CDH13: variants seen among roughly 807,000 people sequenced by gnomAD.
CDH13 encodes the protein cadherin 13.
CDH13 carries 24 observed loss-of-function variants against 63.8 expected under a neutral mutation model. That is an observed-to-expected ratio of 0.38 (90% CI 0.27 to 0.53). The LOEUF (loss-of-function observed/expected upper bound fraction) is 0.53, where lower values mean the gene tolerates loss of function less well. Ranked by LOEUF, CDH13 falls within the 20% of genes least tolerant of loss-of-function variation. CDH13 has a pLI of 0.85. For missense variants in CDH13, 1,049 were observed against 903.1 expected, an observed-to-expected ratio of 1.16 and a Z score of -2.07; for synonymous variants, 503 against 355.3, an observed-to-expected ratio of 1.42 and a Z score of -4.67.
At chr16:82,640,647 A>G (rs185330996) in intron 1 of CDH13, among the ~76,000 whole-genome samples, 1 of 152,330 alleles carries the variant, frequency 6.6e-6, no homozygotes, top group Admixed American at 6.5e-5. Context: ...CCAGTTGGTC[A>G]AACTTGTTTA....
At chr16:82,935,454 C>A (rs187234949) in intron 2 of CDH13, among the ~76,000 whole-genome samples, 1 of 152,156 alleles carries the variant, frequency 6.6e-6, no homozygotes. Context: ...TTTCATGAAG[C>A]TTTTTTGGTC....
intron 13 of CDH13, among the ~76,000 whole-genome samples, chr16:83,790,492 C>A: frequency 6.6e-6 from 1 of 152,166 alleles, no homozygotes; most frequent in East Asian, 1.9e-4. Context: ...CTCCACCTCC[C>A]GGATTCACGC....
At chr16:83,212,577 T>C (rs77719800) in intron 4 of CDH13, among the ~76,000 whole-genome samples, 2 of 152,192 alleles carry the variant, frequency 1.3e-5, no homozygotes, top group African/African-American at 2.4e-5. Context: ...GTTAGTGTTA[T>C]ATGTTTAAAA....
At chr16:83,024,630 A>G (rs180939350) in intron 2 of CDH13, among the ~76,000 whole-genome samples, 30 of 152,304 alleles carry the variant, frequency 2.0e-4, no homozygotes, top group African/African-American at 7.0e-4. Context: ...TCCTACCTCA[A>G]ATTGATGATG....
intron 3 of CDH13, among the ~76,000 whole-genome samples, chr16:83,048,839 C>T (rs532132722): frequency 4.9e-4 from 74 of 152,248 alleles, no homozygotes; most frequent in African/African-American, 1.6e-3. Context: ...TCTTCCCAGG[C>T]GAAACCAAAT....
At chr16:83,383,290 T>A (rs2091605462) in intron 6 of CDH13, 2 of 152,184 alleles carry the variant, frequency 1.3e-5, no homozygotes, top group African/African-American at 4.8e-5. Flanking sequence ...GGCTCAGGAA[T>A]GTTAGCCTCT....
chr16:83,741,341 C>T (rs1468159783), intron 10 of CDH13, among the ~76,000 whole-genome samples: 2 of 150,944 alleles, frequency 1.3e-5, no homozygotes, highest in Non-Finnish European at 2.9e-5. Flanking sequence ...AATTCCCCTA[C>T]TGTTTCCCTT....
At chr16:83,228,730 G>C (rs2039918173) in intron 5 of CDH13, among the ~76,000 whole-genome samples, 1 of 152,196 alleles carries the variant, frequency 6.6e-6, no homozygotes, top group Non-Finnish European at 1.5e-5. Context: ...GGCAGGGCTT[G>C]ACTAGGAGCA....
intron 4 of CDH13, among the ~76,000 whole-genome samples, chr16:83,154,522 G>A (rs949500932): frequency 2.7e-5 from 4 of 149,138 alleles, no homozygotes; most frequent in Admixed American, 2.0e-4. Flanking sequence ...AGCCAAGATC[G>A]CACCACTGCA....
chr16:83,220,250 G>T (rs569098548), intron 5 of CDH13, among the ~76,000 whole-genome samples: 2 of 152,186 alleles, frequency 1.3e-5, no homozygotes, highest in Non-Finnish European at 1.5e-5. Context: ...GAAGAGCCCC[G>T]ATCATTCTGC....
At chr16:82,686,137 A>G (rs999713498) in intron 1 of CDH13, among the ~76,000 whole-genome samples, 7 of 152,232 alleles carry the variant, frequency 4.6e-5, no homozygotes, top group African/African-American at 1.7e-4. Flanking sequence ...CTTAATTATC[A>G]AAATACAGGG....
intron 2 of CDH13, among the ~76,000 whole-genome samples, chr16:82,915,704 T>A (rs2041965018): frequency 2.0e-5 from 3 of 151,952 alleles, no homozygotes; most frequent in South Asian, 4.2e-4. Flanking sequence ...TGAGTTTTGA[T>A]GATTGTCTCT....
intron 2 of CDH13, among the ~76,000 whole-genome samples, chr16:82,991,618 G>A (rs868379438): frequency 6.6e-6 from 1 of 152,092 alleles, no homozygotes; most frequent in Non-Finnish European, 1.5e-5. Flanking sequence ...TTGACATGTG[G>A]GTGGGTCAAA....
intron 6 of CDH13, among the ~76,000 whole-genome samples, chr16:83,449,774 G>T (rs541602307): frequency 6.6e-6 from 1 of 152,082 alleles, no homozygotes; most frequent in South Asian, 2.1e-4. Flanking sequence ...CTGCACCTTC[G>T]TTTTGTAAAT....
intron 8 of CDH13, among the ~76,000 whole-genome samples, chr16:83,622,828 G>A (rs1446738592): frequency 6.6e-6 from 1 of 152,228 alleles, no homozygotes; most frequent in East Asian, 1.9e-4. Context: ...GGTTGCAGCG[G>A]CCTCAGCTTT....
At chr16:83,478,224 C>A (rs71402083) in intron 6 of CDH13, among the ~76,000 whole-genome samples, 17,138 of 151,860 alleles carry the variant, frequency 0.11, 1,060 homozygotes, top group Non-Finnish European at 0.14. Context: ...TGCAGTAATT[C>A]CTTTGAGCTA....
intron 1 of CDH13, among the ~76,000 whole-genome samples, chr16:82,682,139 C>G (rs1459792256): frequency 6.6e-6 from 1 of 152,202 alleles, no homozygotes; most frequent in Non-Finnish European, 1.5e-5. Flanking sequence ...CATTTTGCCT[C>G]TCTTGTTCCC....
chr16:83,486,140 C>CAA (rs2073883067), intron 6 of CDH13, among the ~76,000 whole-genome samples: 1 of 77,798 alleles, frequency 1.3e-5, no homozygotes, highest in African/African-American at 5.6e-5. Context: ...GAGACTCTGT[C>CAA]TAAAAAAATG....
chr16:83,259,899 A>G (rs1906754741), intron 5 of CDH13, among the ~76,000 whole-genome samples: 1 of 152,106 alleles, frequency 6.6e-6, no homozygotes, highest in African/African-American at 2.4e-5. Context: ...ATCATGGGAG[A>G]AATTCAGATT....
Sources: gnomAD v4.1 joint callset for allele counts (sites outside exome capture counted in the v4.1 genomes callset) on GRCh38, gnomAD v4.1.1 for gene constraint, MANE v1.5 for transcripts, NCBI Gene and HGNC (gene_info 2026-07-23, HGNC 2026-07-21) for gene names.